The following CNTNAP2 variants were observed in gnomAD, a reference collection of about 807,000 sequenced individuals.
CNTNAP2 encodes contactin-associated protein-like 2.
A neutral mutation model predicts 155.2 loss-of-function variants in CNTNAP2; 98 were observed. The observed-to-expected ratio is 0.63, with a 90% CI of 0.54 to 0.75. The LOEUF is 0.75. Ranked by LOEUF, CNTNAP2 falls within the 30% of genes least tolerant of loss-of-function variation. The pLI, the probability that CNTNAP2 is intolerant of heterozygous loss-of-function variation, is 0.00. For synonymous variants in CNTNAP2, 651 were observed against 631.2 expected (o/e 1.03, Z -0.47); for missense variants, 1,727 against 1,688.1 (o/e 1.02, Z -0.40).
chr7:148,345,308 C>A (rs1406570000), intron 21 of CNTNAP2, among the ~76,000 whole-genome samples: 2 of 152,076 alleles, frequency 1.3e-5, no homozygotes. Context: ...TAACCCACAG[C>A]ATCTGGACGA....
At chr7:147,419,541 C>T (rs977300562) in intron 10 of CNTNAP2, among the ~76,000 whole-genome samples, 1 of 152,066 alleles carries the variant, frequency 6.6e-6, no homozygotes, top group African/African-American at 2.4e-5. Flanking sequence ...TTATAAATTG[C>T]CTCTTTACAA....
chr7:148,393,620 G>A (rs1057238369), intron 22 of CNTNAP2, among the ~76,000 whole-genome samples: 1 of 152,132 alleles, frequency 6.6e-6, no homozygotes, highest in African/African-American at 2.4e-5. Flanking sequence ...TGAGTCAAAG[G>A]ATATGTGTGT....
chr7:147,905,575 A>G (rs1041441265), intron 14 of CNTNAP2, among the ~76,000 whole-genome samples: 3 of 152,230 alleles, frequency 2.0e-5, no homozygotes, highest in African/African-American at 7.2e-5. Context: ...AGGTGTGTGC[A>G]AGATACAACA....
intron 1 of CNTNAP2, among the ~76,000 whole-genome samples, chr7:146,217,768 G>A (rs1031012808): frequency 2.6e-5 from 4 of 152,082 alleles, no homozygotes; most frequent in Admixed American, 1.3e-4. Flanking sequence ...ACTTTCCAGG[G>A]TAATTGAAGC....
intron 1 of CNTNAP2, among the ~76,000 whole-genome samples, chr7:146,487,628 T>C (rs1327440274): frequency 1.3e-5 from 2 of 152,166 alleles, no homozygotes. Context: ...GAACATGAGA[T>C]AGTTGACATT....
intron 15 of CNTNAP2, among the ~76,000 whole-genome samples, chr7:148,031,261 C>A (rs1261005392): frequency 6.6e-6 from 1 of 152,112 alleles, no homozygotes; most frequent in African/African-American, 2.4e-5. Context: ...AAAGGTTTAC[C>A]TCTCAAAGGG....
chr7:147,430,358 C>T (rs826643), intron 10 of CNTNAP2, among the ~76,000 whole-genome samples: 120,505 of 152,128 alleles, frequency 0.79, 48,320 homozygotes, highest in African/African-American at 0.93. Context: ...TAGCAGAATT[C>T]CTATTTAACT....
rs1801104355 is a variant in CNTNAP2 at position 147,121,166 on chromosome 7, A to G, written c.939+3A>G. On this transcript the variant is annotated splice_donor_region_variant and intron_variant, in intron 6 of 23. Coordinates refer to ENST00000361727, the MANE Select transcript of CNTNAP2 (RefSeq NM_014141.6). ...ACTACCTGGACTTGGACTATGAGGTACATGTGATGACGTAGAAATTGTAAT... is the reference window on the plus strand; with the variant it reads ...ACTACCTGGACTTGGACTATGAGGTGCATGTGATGACGTAGAAATTGTAAT... The G allele has an allele frequency of 6.2e-7, 1 of 1,613,720 alleles. No individual in the cohort carries two copies. Among genetic ancestry groups the G allele is most frequent in the Non-Finnish European group, 8.5e-7 (1 of 1,179,614 alleles).
chr7:147,521,044 C>T lies in CNTNAP2; in HGVS notation c.1777+35003C>T, dbSNP rs189633646. Among the ~76,000 whole-genome samples, 9 of 152,306 alleles carry T rather than the reference C, an allele frequency of 5.9e-5. No individual in the cohort carries two copies. In the East Asian group the frequency reaches 1.7e-3, roughly 29 times the overall value. ...AATGTGAGCAACGCTTTGGATCAGACACCTGATCTCTGCCACACCTTCCAG... is the reference window on the plus strand; with the variant it reads ...AATGTGAGCAACGCTTTGGATCAGATACCTGATCTCTGCCACACCTTCCAG... On this transcript the variant is annotated intron_variant, in intron 11 of 23. Coordinates refer to ENST00000361727, the MANE Select transcript of CNTNAP2 (RefSeq NM_014141.6).
chr7:147,496,192 A>ATG (rs1554491752), intron 11 of CNTNAP2, among the ~76,000 whole-genome samples: 15,050 of 144,036 alleles, frequency 0.1, 896 homozygotes, highest in Middle Eastern at 0.19. Context: ...TGCAAAATAA[A>ATG]TGTATGTACT....
chr7:147,393,454 G>C (rs1468576009), intron 9 of CNTNAP2, among the ~76,000 whole-genome samples: 1 of 149,416 alleles, frequency 6.7e-6, no homozygotes, highest in Non-Finnish European at 1.5e-5. Context: ...TTCAAAGCTA[G>C]TGTGGATATG....
At chr7:146,117,039 G>A (rs1584757212) in intron 1 of CNTNAP2, 66 bp downstream of exon 1, 1 of 1,368,770 alleles carries the variant, frequency 7.3e-7, no homozygotes, top group Non-Finnish European at 1.0e-6. Context: ...TTGGCACCAG[G>A]GTATCAACTC....
At chr7:147,137,055 A>T (rs1801496178) in intron 8 of CNTNAP2, among the ~76,000 whole-genome samples, 1 of 151,804 alleles carries the variant, frequency 6.6e-6, no homozygotes, top group African/African-American at 2.4e-5. Context: ...CTTCCCTTTG[A>T]TCCATTAAAT....
At chr7:147,053,583 C>G (rs1283909049) in intron 4 of CNTNAP2, among the ~76,000 whole-genome samples, 1 of 151,998 alleles carries the variant, frequency 6.6e-6, no homozygotes, top group Non-Finnish European at 1.5e-5. Flanking sequence ...CATATAAAAT[C>G]AAGAGTGTCG....
At chr7:146,587,033 A>ATT (rs34866879) in intron 1 of CNTNAP2, among the ~76,000 whole-genome samples, 9 of 148,458 alleles carry the variant, frequency 6.1e-5, no homozygotes, top group African/African-American at 2.0e-4. Flanking sequence ...GCATTGTTTT[A>ATT]TTTTTTTTTT....
chr7:146,798,211 G>A (rs1187712806), intron 2 of CNTNAP2, among the ~76,000 whole-genome samples: 1 of 151,940 alleles, frequency 6.6e-6, no homozygotes, highest in African/African-American at 2.4e-5. Flanking sequence ...TGGGGAGGCA[G>A]AGGCTGCAGT....
intron 15 of CNTNAP2, among the ~76,000 whole-genome samples, chr7:148,104,694 C>T (rs777721152): frequency 1.3e-4 from 20 of 152,186 alleles, no homozygotes; most frequent in Admixed American, 6.5e-4. Flanking sequence ...ACAGAAGTGA[C>T]GTTCACAGGG....
chr7:147,798,522 C>T (rs1797937937), intron 13 of CNTNAP2, among the ~76,000 whole-genome samples: 1 of 152,168 alleles, frequency 6.6e-6, no homozygotes, highest in South Asian at 2.1e-4. Context: ...CATCCTTGCA[C>T]TGGAAGTGAG....
intron 1 of CNTNAP2, among the ~76,000 whole-genome samples, chr7:146,200,115 T>G (rs949867240): frequency 2.1e-4 from 32 of 152,280 alleles, no homozygotes; most frequent in Non-Finnish European, 3.7e-4. Context: ...CTAGAGCCAT[T>G]ATAAGCTGAA....
Sources: allele counts gnomAD v4.1 joint callset (sites outside exome capture counted in the v4.1 genomes callset), GRCh38; gene constraint gnomAD v4.1.1; transcripts MANE v1.5; gene names NCBI Gene and HGNC (gene_info 2026-07-23, HGNC 2026-07-21).